Variants in CMTM8 observed in about 807,000 individuals in gnomAD.
The protein encoded by CMTM8 is CKLF like MARVEL transmembrane domain containing 8.
CMTM8 carries 12 observed loss-of-function variants against 18.6 expected under a neutral mutation model. The ratio of observed to expected loss-of-function variants is 0.65; its 90% CI spans 0.41 to 1.05. The LOEUF (loss-of-function observed/expected upper bound fraction) is 1.05, where lower values mean the gene tolerates loss of function less well. Ranked by LOEUF, CMTM8 falls within the 50% of genes least tolerant of loss-of-function variation. CMTM8 has a pLI of 0.00. For missense variants in CMTM8, 217 were observed against 227.2 expected (o/e 0.95, Z 0.29); for synonymous variants, 87 against 90.6 (o/e 0.96, Z 0.23).
intron 1 of CMTM8, among the ~76,000 whole-genome samples, chr3:32,255,075 C>T (rs889731211): frequency 2.0e-5 from 3 of 152,050 alleles, no homozygotes; most frequent in African/African-American, 7.2e-5. Context: ...CAAGATTTAT[C>T]CATGTTGTGG....
chr3:32,365,622 T>C (rs1351844816), intron 2 of CMTM8, among the ~76,000 whole-genome samples: 2 of 152,172 alleles, frequency 1.3e-5, no homozygotes, highest in Admixed American at 1.3e-4. Flanking sequence ...TTTTTGTATT[T>C]TTAGTAGAGA....
At chr3:32,354,449 G>A (rs539881292) in intron 1 of CMTM8, among the ~76,000 whole-genome samples, 38 of 152,248 alleles carry the variant, frequency 2.5e-4, no homozygotes, top group African/African-American at 8.4e-4. Context: ...TTTGAAAGAC[G>A]GCTCAGTTAA....
chr3:32,291,257 T>A (rs1702775724), intron 1 of CMTM8, among the ~76,000 whole-genome samples: 1 of 152,036 alleles, frequency 6.6e-6, no homozygotes, highest in Non-Finnish European at 1.5e-5. Flanking sequence ...GCCTCCTGAG[T>A]AGCTGGGACT....
intron 1 of CMTM8, among the ~76,000 whole-genome samples, chr3:32,314,423 G>A (rs928156332): frequency 3.7e-4 from 57 of 152,110 alleles, no homozygotes; most frequent in Non-Finnish European, 1.0e-4. Context: ...TCAGACACCA[G>A]GGGTGTGAAG....
chr3:32,334,609 A>C (rs560166382), intron 1 of CMTM8, among the ~76,000 whole-genome samples: 1 of 152,134 alleles, frequency 6.6e-6, no homozygotes, highest in African/African-American at 2.4e-5. Flanking sequence ...CCATCTCAAA[A>C]AAAAAAAAGT....
intron 1 of CMTM8, among the ~76,000 whole-genome samples, chr3:32,321,226 A>G (rs56325818): frequency 0.078 from 11,921 of 152,192 alleles, 635 homozygotes; most frequent in Non-Finnish European, 0.12. Context: ...TGGTTAAACA[A>G]CACTGGGGAC....
chr3:32,257,258 T>C lies in CMTM8; in HGVS notation c.147+18139T>C, dbSNP rs115250127. Among the ~76,000 whole-genome samples the C allele has an allele frequency of 5.3e-3, 814 of 152,274 alleles. 2 individuals are homozygous for C. The highest frequency in any genetic ancestry group is 0.018 in the African/African-American group (767 of 41,536). On this transcript the variant is annotated intron_variant, in intron 1 of 3. Coordinates refer to ENST00000307526, the MANE Select transcript of CMTM8 (RefSeq NM_178868.5). The stretch of plus-strand genomic sequence containing the variant: ...TCCCAAAGTGCTGGGATTACAGGAG[T>C]GAGCCACAACACTGGAAAGGCATTC...
intron 1 of CMTM8, among the ~76,000 whole-genome samples, chr3:32,297,857 T>G (rs1695506432): frequency 6.6e-6 from 1 of 151,764 alleles, no homozygotes. Flanking sequence ...TTTGGGAAAA[T>G]GGACTGAGTG....
chr3:32,315,963 T>C (rs903522529), intron 1 of CMTM8, among the ~76,000 whole-genome samples: 1 of 149,680 alleles, frequency 6.7e-6, no homozygotes, highest in East Asian at 1.9e-4. Context: ...TGGAAAGTTA[T>C]AAAAGAAAAT....
At chr3:32,365,339 C>T (rs1160401898) in intron 2 of CMTM8, among the ~76,000 whole-genome samples, 3 of 151,322 alleles carry the variant, frequency 2.0e-5, no homozygotes, top group Non-Finnish European at 2.9e-5. Flanking sequence ...ATTTTTATAC[C>T]AAGGAGGGAT....
At chr3:32,244,473 G>C (rs377653634) in intron 1 of CMTM8, among the ~76,000 whole-genome samples, 3 of 152,208 alleles carry the variant, frequency 2.0e-5, no homozygotes, top group Non-Finnish European at 4.4e-5. Flanking sequence ...GGCATGAGCC[G>C]TTGCGGCCAG....
At chr3:32,365,696 C>T (rs1373719622) in intron 2 of CMTM8, among the ~76,000 whole-genome samples, 1 of 152,198 alleles carries the variant, frequency 6.6e-6, no homozygotes, top group Non-Finnish European at 1.5e-5. Flanking sequence ...ATCTACTCGC[C>T]TCGGCCTCCC....
chr3:32,295,324 C>T (rs943671606), intron 1 of CMTM8, among the ~76,000 whole-genome samples: 1 of 151,360 alleles, frequency 6.6e-6, no homozygotes, highest in Non-Finnish European at 1.5e-5. Flanking sequence ...GGCATAATGT[C>T]GTGCACCTGT....
chr3:32,348,495 T>TTC (rs1390884292), intron 1 of CMTM8, among the ~76,000 whole-genome samples: 1 of 145,572 alleles, frequency 6.9e-6, no homozygotes, highest in African/African-American at 2.5e-5. Flanking sequence ...GCTGATTTCT[T>TTC]TCCCTCCATT....
At chr3:32,333,403 T>G (rs1325556664) in intron 1 of CMTM8, among the ~76,000 whole-genome samples, 1 of 152,194 alleles carries the variant, frequency 6.6e-6, no homozygotes, top group African/African-American at 2.4e-5. Context: ...CCAGAAAGCT[T>G]GTTAGAAATG....
intron 1 of CMTM8, among the ~76,000 whole-genome samples, chr3:32,276,604 C>A (rs1302436089): frequency 1.3e-5 from 2 of 152,158 alleles, no homozygotes; most frequent in Non-Finnish European, 2.9e-5. Context: ...CACACAAGAT[C>A]TTTGTTCTTT....
chr3:32,282,679 T>C (rs1702625610), intron 1 of CMTM8, among the ~76,000 whole-genome samples: 1 of 152,152 alleles, frequency 6.6e-6, no homozygotes, highest in Non-Finnish European at 1.5e-5. Flanking sequence ...GTCATGATAT[T>C]CCACTTCCCA....
Position 32,271,427 on chromosome 3 carries a change from G to A in CMTM8, c.147+32308G>A, listed in dbSNP as rs371056761. 3.7e-4 allele frequency among the ~76,000 whole-genome samples: 57 copies of A among 152,288 alleles called. No homozygotes were observed. The East Asian group carries it at 8.3e-3, about 22-fold the overall frequency. ...CAGCCACCACGCCCAGCTGCGTTCT[G>A]TATTCTATAAAGTTCAAAATTTTCC... On this transcript the variant is annotated intron_variant, in intron 1 of 3. Coordinates refer to ENST00000307526, the MANE Select transcript of CMTM8 (RefSeq NM_178868.5).
intron 1 of CMTM8, among the ~76,000 whole-genome samples, chr3:32,303,563 A>G (rs1283364616): frequency 2.0e-5 from 3 of 152,158 alleles, no homozygotes; most frequent in African/African-American, 7.2e-5. Context: ...TTCTTCCCGT[A>G]TGTTTCATTT....
Sources: allele counts gnomAD v4.1 joint callset (sites outside exome capture counted in the v4.1 genomes callset), GRCh38; gene constraint gnomAD v4.1.1; transcripts MANE v1.5; gene names NCBI Gene and HGNC (gene_info 2026-07-23, HGNC 2026-07-21).